The following AP2A2 variants were observed in gnomAD, a reference collection of about 807,000 sequenced individuals.
The protein encoded by AP2A2 is adaptor related protein complex 2 subunit alpha 2, also known as AP-2 complex subunit alpha-2.
AP2A2 carries 32 observed loss-of-function variants against 104.2 expected under a neutral mutation model. The observed-to-expected ratio is 0.31, with a 90% confidence interval of 0.23 to 0.41. The LOEUF (loss-of-function observed/expected upper bound fraction) is 0.41. Among genes scored for constraint, AP2A2 ranks in the 10% least tolerant of loss-of-function variants. The probability of loss-of-function intolerance (pLI) is 1.00; values close to 1 mark genes in which losing one functional copy is unlikely to be tolerated. For missense variants in AP2A2, 912 were observed against 1,261.0 expected, an observed-to-expected ratio of 0.72 and a Z score of 4.19; for synonymous variants, 539 against 533.3, an observed-to-expected ratio of 1.01 and a Z score of -0.15.
intron 1 of AP2A2, among the ~76,000 whole-genome samples, chr11:953,546 C>T: frequency 1.0e-5 from 1 of 95,588 alleles, no homozygotes; most frequent in South Asian, 2.9e-4. Flanking sequence ...ACCGTAAGAG[C>T]CCCCCCCCCC....
intron 14 of AP2A2, among the ~76,000 whole-genome samples, chr11:995,037 T>G (rs1215680483): frequency 1.3e-5 from 2 of 152,144 alleles, no homozygotes; most frequent in Non-Finnish European, 2.9e-5. Context: ...CACACCCCGC[T>G]GTCCTCTCCC....
chr11:953,052 C>G (rs1564790026), intron 1 of AP2A2, among the ~76,000 whole-genome samples: 2 of 152,194 alleles, frequency 1.3e-5, no homozygotes, highest in Non-Finnish European at 2.9e-5. Flanking sequence ...GATCATGCAG[C>G]TTCTACTAGA....
chr11:975,387 A>T (rs12287071), intron 4 of AP2A2, among the ~76,000 whole-genome samples: 134 of 139,360 alleles, frequency 9.6e-4, no homozygotes, highest in African/African-American at 3.7e-3. Context: ...ACGAGCCGAC[A>T]TTAGTGAGTA....
chr11:965,849 C>CT (rs1854597152), intron 2 of AP2A2, among the ~76,000 whole-genome samples: 1 of 152,120 alleles, frequency 6.6e-6, no homozygotes, highest in Non-Finnish European at 1.5e-5. Context: ...TAGTTTCTTT[C>CT]TTTTTTAAAG....
chr11:996,558 G>A (rs1855864283), intron 14 of AP2A2, among the ~76,000 whole-genome samples: 1 of 152,204 alleles, frequency 6.6e-6, no homozygotes, highest in Non-Finnish European at 1.5e-5. Flanking sequence ...GCTAGGCTCA[G>A]GGTGGACTTT....
In AP2A2 at chr11:1,000,437, G is replaced by A. The variant is rs1405524909; in HGVS notation, c.1962G>A (p.Thr654=). 6 of 1,544,230 alleles carry A rather than the reference G, an allele frequency of 3.9e-6. No individual in the cohort carries two copies. The Admixed American group carries it at 5.9e-5, about 15-fold the overall frequency. The change falls in exon 15 of 22, where the codon ACG becomes ACA. Residue 654 remains threonine (T), a synonymous_variant. Transcript: ENST00000448903. ...PAPASTSAVS[T]PSPSADLLGL... ...TCTCCTTCCTTCTCTTCCAGTCTAC[G>A]CCTTCTCCGTCGGCAGACCTGCTGG... is the stretch of plus-strand genomic sequence containing the variant.
rs139629752 is a variant in AP2A2 at position 1,012,102 on chromosome 11, G to A, written c.*1477G>A. 26 of 153,130 alleles carry A rather than the reference G, an allele frequency of 1.7e-4. No homozygotes were observed. In the East Asian group the frequency reaches 3.9e-3, roughly 23 times the overall value. 9.5% of individuals were successfully genotyped at this position (153,130 alleles called of 1,614,324 possible). A position where few individuals can be genotyped will look rare whatever the true frequency, so the allele number is the denominator to read the frequency against. On this transcript the variant is annotated 3_prime_UTR_variant, in exon 22 of 22. Coordinates refer to ENST00000448903, the MANE Select transcript of AP2A2 (RefSeq NM_012305.4). ...GCGCCTGCAGGCTGCGTGTGCTGCC[G>A]TGGATCTCCTGCATCCCTTGACCCC...
intron 1 of AP2A2, chr11:947,011 T>C (rs1175477839): frequency 0.13 from 34 of 270 alleles, no homozygotes; most frequent in Non-Finnish European, 0.32. Flanking sequence ...TTTTCTTTTC[T>C]TTTTTTTTTT....
At chr11:988,470 G>A in intron 9 of AP2A2, 82 bp from the exon 10 acceptor site, 2 of 1,527,540 alleles carry the variant, frequency 1.3e-6, no homozygotes, top group Non-Finnish European at 8.9e-7. Context: ...GTGTTGAGAT[G>A]CGGGTGCCGA....
chr11:1,005,993 C>T (rs991138087), intron 16 of AP2A2, among the ~76,000 whole-genome samples: 1 of 152,256 alleles, frequency 6.6e-6, no homozygotes, highest in Non-Finnish European at 1.5e-5. Flanking sequence ...GCACCTGTGC[C>T]GTGGCTGAGC....
chr11:943,884 C>G (rs988019692), intron 1 of AP2A2, among the ~76,000 whole-genome samples: 1 of 147,682 alleles, frequency 6.8e-6, no homozygotes, highest in African/African-American at 2.5e-5. Flanking sequence ...AGAGTCCCAA[C>G]TGGAGATGCA....
intron 3 of AP2A2, among the ~76,000 whole-genome samples, chr11:971,435 C>T (rs1042086308): frequency 6.6e-5 from 10 of 152,092 alleles, no homozygotes; most frequent in South Asian, 2.1e-4. Context: ...TCCTGGGAGC[C>T]GTGGGAGGCT....
chr11:998,940 C>G (rs1212438110), intron 14 of AP2A2, among the ~76,000 whole-genome samples: 1 of 152,202 alleles, frequency 6.6e-6, no homozygotes, highest in Non-Finnish European at 1.5e-5. Flanking sequence ...GATCTGCCCC[C>G]CTCGGCCTCC....
At chr11:983,605 G>C (rs189734031) in intron 6 of AP2A2, among the ~76,000 whole-genome samples, 2,697 of 151,840 alleles carry the variant, frequency 0.018, 37 homozygotes, top group Non-Finnish European at 0.024. Context: ...GGATGGTCTC[G>C]ATCTCCTGAC....
chr11:945,861 G>T (rs181748832), intron 1 of AP2A2, among the ~76,000 whole-genome samples: 88 of 152,302 alleles, frequency 5.8e-4, no homozygotes, highest in African/African-American at 2.0e-3. Flanking sequence ...AGGCTTAGAG[G>T]CAGGAAAGCC....
intron 4 of AP2A2, among the ~76,000 whole-genome samples, chr11:973,042 A>G (rs1239403351): frequency 6.6e-6 from 1 of 152,120 alleles, no homozygotes; most frequent in Admixed American, 6.5e-5. Flanking sequence ...CAGGGCCCCC[A>G]CCTGTGTGTT....
intron 2 of AP2A2, among the ~76,000 whole-genome samples, chr11:960,479 C>G (rs560535177): frequency 1.3e-5 from 2 of 152,268 alleles, no homozygotes; most frequent in Non-Finnish European, 2.9e-5. Flanking sequence ...CTCAAGTGAT[C>G]TGCCCGCCTC....
intron 18 of AP2A2, chr11:1,008,360 A>G (rs1287822781): frequency 1.7e-6 from 1 of 583,858 alleles, no homozygotes; most frequent in Non-Finnish European, 2.8e-6. Flanking sequence ...GGCAGCTCCC[A>G]CATGGGGCCT....
At chr11:940,204 T>C (rs563385537) in intron 1 of AP2A2, among the ~76,000 whole-genome samples, 1 of 152,270 alleles carries the variant, frequency 6.6e-6, no homozygotes, top group East Asian at 1.9e-4. Context: ...TCCACCCGCC[T>C]TGGCCTCCCA....
Sources: allele counts gnomAD v4.1 joint callset (sites outside exome capture counted in the v4.1 genomes callset), GRCh38; gene constraint gnomAD v4.1.1; transcripts MANE v1.5; gene names NCBI Gene and HGNC (gene_info 2026-07-23, HGNC 2026-07-21).